Variants in IGSF22 observed in about 807,000 individuals in gnomAD.
IGSF22 encodes immunoglobulin superfamily member 22, also known as immunoglobulin superfamily, member 22.
IGSF22 carries 119 observed loss-of-function variants against 127.0 expected under a neutral mutation model. That is an observed-to-expected ratio of 0.94 (90% CI 0.81 to 1.09). The LOEUF (loss-of-function observed/expected upper bound fraction) is 1.09. IGSF22 is among the 50% of genes least tolerant of loss of function. The pLI is 0.00. For missense variants in IGSF22, 1,518 were observed against 1,716.6 expected, an observed-to-expected ratio of 0.88 and a Z score of 2.04; for synonymous variants, 568 against 664.7, an observed-to-expected ratio of 0.85 and a Z score of 2.24.
intron 22 of IGSF22, 166 bp from the exon 23 acceptor site, chr11:18,704,704 A>G: frequency 1.6e-6 from 1 of 608,718 alleles, no homozygotes; most frequent in Non-Finnish European, 3.0e-6. Context: ...CTAGCACTTA[A>G]TATTTGCCAG....
At chr11:18,715,813 AAAACACAAGAACTTGTGATGCT>A in intron 10 of IGSF22, 97 bp from the exon 11 acceptor site, 1 of 1,319,416 alleles carries the variant, frequency 7.6e-7, no homozygotes, top group Non-Finnish European at 1.0e-6. Context: ...CTGTCCCCAG[AAAACACAAGAACTTGTGATGCT>A]GAATGTGTTT....
chr11:18,711,988 T>A, intron 15 of IGSF22, 94 bp downstream of exon 15: 1 of 1,049,450 alleles, frequency 9.5e-7, no homozygotes, highest in South Asian at 1.6e-5. Context: ...GAGATGTTCC[T>A]GTGGAATTCC....
chr11:18,725,093 A>AT (rs1286985106), intron 1 of IGSF22, among the ~76,000 whole-genome samples: 1 of 148,128 alleles, frequency 6.8e-6, no homozygotes, highest in Non-Finnish European at 1.5e-5. Context: ...TGTCTTGGAG[A>AT]TTTTTTCCAT....
chr11:18,714,216 C>T (rs1848413671), intron 13 of IGSF22, 61 bp downstream of exon 13: 5 of 1,593,344 alleles, frequency 3.1e-6, no homozygotes, highest in Middle Eastern at 1.7e-4. Context: ...GGGGGAGAAG[C>T]CATGAGCTTG....
chr11:18,714,328 A>T lies in IGSF22; in HGVS notation c.1747T>A (p.Tyr583Asn). 2 of 1,614,196 alleles carry T rather than the reference A, an allele frequency of 1.2e-6. No individual in the cohort carries two copies. Among genetic ancestry groups the T allele is most frequent in the Non-Finnish European group, 1.7e-6 (2 of 1,180,024 alleles). Residue 583 changes from tyrosine (Y) to asparagine (N), a missense_variant, in exon 13 of 23, where the codon TAC (tyrosine) becomes AAC (asparagine). Coordinates refer to ENST00000513874, the MANE Select transcript of IGSF22 (RefSeq NM_173588.4). ...TCCGTGCCCTTGGCCCGGAATGTGT[A>T]CTTGCCCTCGTGCTCAGGGCCCATA... is the stretch of plus-strand genomic sequence containing the variant. ...PSMGPEHEGK[Y>N]TFRAKGTESE...
Position 18,709,384 on chromosome 11 carries a change from C to T in IGSF22, c.2998+3G>A. 1 of 1,613,146 alleles carries T rather than the reference C, an allele frequency of 6.2e-7. No individual in the cohort carries two copies. On this transcript the variant is annotated splice_donor_region_variant and intron_variant, in intron 18 of 22. Coordinates refer to ENST00000513874, the MANE Select transcript of IGSF22 (RefSeq NM_173588.4). This position sits in a 1 kb window ranked among gnomAD's most constrained non-coding sequence, Gnocchi z 4.8. ...GAATCCCCAGCCCTCTCTGTGTCCT[C>T]ACCTGGTGGTGGCATGGCACGGACC...
At chr11:18,724,486 C>G (rs1177784404) in intron 1 of IGSF22, among the ~76,000 whole-genome samples, 1 of 152,152 alleles carries the variant, frequency 6.6e-6, no homozygotes, top group Non-Finnish European at 1.5e-5. Context: ...CCAAACTATT[C>G]CAGGGTCTCA....
Position 18,719,792 on chromosome 11 carries a change from C to T in IGSF22, c.620G>A (p.Cys207Tyr), listed in dbSNP as rs762367955. Reference sequence around the variant, plus strand: ...AAAGTCGGTGAAACCATACTCCATGCACACCTTCTCAAAGTCTTTCTTGGG... The same window carrying T: ...AAAGTCGGTGAAACCATACTCCATGTACACCTTCTCAAAGTCTTTCTTGGG... ...KVPKKDFEKVCMEYGFTDFRG... is the reference protein window; with the variant it reads ...KVPKKDFEKVYMEYGFTDFRG... Residue 207 changes from cysteine (C) to tyrosine (Y), a missense_variant, in exon 7 of 23, where the codon TGC becomes TAC. Coordinates refer to ENST00000513874, the MANE Select transcript of IGSF22 (RefSeq NM_173588.4). 6.2e-7 allele frequency: 1 copy of T among 1,614,198 alleles called. No individual in the cohort carries two copies. Among genetic ancestry groups the T allele is most frequent in the South Asian group, 1.1e-5 (1 of 91,076 alleles).
chr11:18,708,720 C>T (rs990618352), intron 18 of IGSF22, among the ~76,000 whole-genome samples: 1 of 152,190 alleles, frequency 6.6e-6, no homozygotes, highest in East Asian at 1.9e-4. Context: ...TAACAGTCTT[C>T]CCCCAAACTA....
At position 18,706,094 on chromosome 11, in the gene IGSF22, G is replaced by C. The variant is rs1848222591; in HGVS notation, c.3633C>G (p.His1211Gln). Residue 1211 changes from histidine to glutamine, a missense_variant, in exon 22 of 23, where the codon CAC (histidine) becomes CAG (glutamine). Around this residue, in one of 3 missense-constraint regions of IGSF22, gnomAD observed 1,456 missense variants for 1,644.9 expected, o/e 0.89. Transcript: ENST00000513874. ...LKPYEKKDWR[H>Q]APRFVTPLKP... ...TGAGGGGCGTCACGAAGCGCGGCGC[G>C]TGGCGCCAGTCCTTCTTCTCGTAGG... 2 of 1,548,130 alleles carry C rather than the reference G, an allele frequency of 1.3e-6. No homozygotes were observed. The highest frequency in any genetic ancestry group is 1.7e-6 in the Non-Finnish European group (2 of 1,146,842).
At chr11:18,712,010 T>A (rs1848365999) in intron 15 of IGSF22, 72 bp downstream of exon 15, 2 of 1,270,846 alleles carry the variant, frequency 1.6e-6, no homozygotes, top group Non-Finnish European at 2.2e-6. Context: ...CACAGATCAG[T>A]GTTCCTTCCT....
At position 18,724,242 on chromosome 11, in the gene IGSF22, C is replaced by T. The variant is rs779649347; in HGVS notation, c.-6G>A. On this transcript the variant is annotated 5_prime_UTR_variant, in exon 2 of 23. Coordinates refer to ENST00000513874, the MANE Select transcript of IGSF22 (RefSeq NM_173588.4). ...CGGCTGTGAATGGTTGTCATGGTGA[C>T]AGCAGGCGTGGGCACTCACCTGTGA... is the stretch of plus-strand genomic sequence containing the variant. 8 of 1,611,622 alleles carry T rather than the reference C, an allele frequency of 5.0e-6. No homozygotes were observed. The highest frequency in any genetic ancestry group is 3.3e-5 in the Admixed American group (2 of 59,986).
chr11:18,720,364 T>C, intron 4 of IGSF22, 79 bp from the exon 5 acceptor site: 2 of 228,284 alleles, frequency 8.8e-6, no homozygotes, highest in Non-Finnish European at 1.5e-5. Context: ...GTAGGAGGCC[T>C]TTTTTTTTTT....
At chr11:18,708,962 C>A (rs1049231576) in intron 18 of IGSF22, among the ~76,000 whole-genome samples, 1 of 152,184 alleles carries the variant, frequency 6.6e-6, no homozygotes, top group African/African-American at 2.4e-5. Context: ...CCACCTGGAC[C>A]TGCTCTCCCT....
At position 18,715,460 on chromosome 11, in the gene IGSF22, G is replaced by T; in HGVS notation, c.1503C>A (p.Tyr501Ter). Residue 501 changes from tyrosine to a stop codon, truncating the protein, a stop_gained, in exon 11 of 23, where the codon TAC becomes TAA. Coordinates refer to ENST00000513874, the MANE Select transcript of IGSF22 (RefSeq NM_173588.4). LOFTEE classifies it high-confidence loss of function. ...VAMQDGDPTE[Y>*]YSTAIVTVEE... The stretch of plus-strand genomic sequence containing the variant: ...CCACAGTGACGATGGCAGTACTGTA[G>T]TATTCAGTAGGGTCTCCATCCTGCA... The T allele has an allele frequency of 6.2e-7, 1 of 1,613,160 alleles. No homozygotes were observed. Among genetic ancestry groups the T allele is most frequent in the Non-Finnish European group, 8.5e-7 (1 of 1,179,882 alleles).
intron 7 of IGSF22, among the ~76,000 whole-genome samples, chr11:18,719,407 T>C (rs1446419213): frequency 3.9e-5 from 6 of 152,056 alleles, no homozygotes; most frequent in Non-Finnish European, 8.8e-5. Context: ...CCTCAGGTGA[T>C]CCACCCACCT....
intron 15 of IGSF22, among the ~76,000 whole-genome samples, chr11:18,711,306 C>T (rs562111188): frequency 2.0e-5 from 3 of 152,056 alleles, no homozygotes; most frequent in Non-Finnish European, 2.9e-5. Context: ...TACAGTGTGA[C>T]CCCCAATCCC....
At chr11:18,723,775 G>T (rs1215917377) in intron 2 of IGSF22, among the ~76,000 whole-genome samples, 1 of 152,220 alleles carries the variant, frequency 6.6e-6, no homozygotes, top group Non-Finnish European at 1.5e-5. Flanking sequence ...TGTAGATAAG[G>T]TGGCTACCTT....
In IGSF22 at chr11:18,709,790, G is replaced by C. The variant is rs1848316930; in HGVS notation, c.2702-107C>G. 1.7e-6 allele frequency: 2 copies of C among 1,148,960 alleles called. No homozygotes were observed. The highest frequency in any genetic ancestry group is 2.5e-6 in the Non-Finnish European group (2 of 815,988). 71.2% of individuals were successfully genotyped at this position (1,148,960 alleles called of 1,614,324 possible). On this transcript the variant is annotated intron_variant, in intron 17 of 22. Transcript: ENST00000513874. The surrounding 1 kb of genome is among the most constrained non-coding windows in gnomAD (Gnocchi z 4.8). Reference sequence around the variant, plus strand: ...TGAACCCCATCCTTCACTACTTCTAGCTCCAGATCCCTCAGTTAACACCCT... The same window carrying C: ...TGAACCCCATCCTTCACTACTTCTACCTCCAGATCCCTCAGTTAACACCCT...
Sources: allele counts gnomAD v4.1 joint callset (sites outside exome capture counted in the v4.1 genomes callset), GRCh38; gene constraint gnomAD v4.1.1; regional missense constraint gnomAD v4.1.1; non-coding constraint Gnocchi (gnomAD v3.1); transcripts MANE v1.5; gene names NCBI Gene and HGNC (gene_info 2026-07-23, HGNC 2026-07-21).